Variants in TAS2R20 observed in about 807,000 individuals in gnomAD.
TAS2R20 encodes the protein taste 2 receptor member 20.
For synonymous variants in TAS2R20, 136 were observed against 127.1 expected, an observed-to-expected ratio of 1.07 and a Z score of -0.47; for missense variants, 364 against 352.2, an observed-to-expected ratio of 1.03 and a Z score of -0.27.
rs10845280 is a variant in TAS2R20 at position 10,997,121 on chromosome 12, A to G, written c.755T>C (p.Phe252Ser). 574,135 of 1,613,084 alleles carry G rather than the reference A, an allele frequency of 0.36. 113,665 individuals are homozygous for G. Among genetic ancestry groups the G allele is most frequent in the East Asian group, 0.75 (33,482 of 44,822 alleles). ...GACAATTTCTTTTGGTCGCATCTTA[A>G]AATTCCAAAACGATATGATTAGACA... The part of the protein sequence containing the change: ...FLCLIISFWN[F>S]KMRPKEIVLM... The change falls in exon 1 of 1, where the codon TTT (phenylalanine) becomes TCT (serine). Residue 252 changes from phenylalanine to serine, a missense_variant. Coordinates refer to ENST00000538986, the MANE Select transcript of TAS2R20 (RefSeq NM_176889.4).
Position 10,997,486 on chromosome 12 carries a change from C to T in TAS2R20, c.390G>A (p.Leu130=). The change falls in exon 1 of 1, where the codon CTG becomes CTA. Residue 130 remains leucine, a synonymous_variant. Coordinates refer to ENST00000538986, the MANE Select transcript of TAS2R20 (RefSeq NM_176889.4). ...HLKRKAKSVV[L]VIVLGSLFFL... ...AGAACAAAGACCCCAACACTATCACCAGAACTACACTCTTAGCCTTCCTTT... is the reference window on the plus strand; with the variant it reads ...AGAACAAAGACCCCAACACTATCACTAGAACTACACTCTTAGCCTTCCTTT... The T allele has an allele frequency of 6.2e-7, 1 of 1,613,774 alleles. No homozygotes were observed. Among genetic ancestry groups the T allele is most frequent in the Non-Finnish European group, 8.5e-7 (1 of 1,179,886 alleles).
chr12:10,996,887 G>T lies in TAS2R20; in HGVS notation c.*59C>A. On this transcript the variant is annotated 3_prime_UTR_variant, in exon 1 of 1. Transcript: ENST00000538986. ...GAAAAACTTGTGGGAAATATAAAAT[G>T]TTCCAGACACCATCAATTTGTTTTC... The T allele has an allele frequency of 6.8e-7, 1 of 1,475,246 alleles. No individual in the cohort carries two copies. Among genetic ancestry groups the T allele is most frequent in the Non-Finnish European group, 9.1e-7 (1 of 1,099,110 alleles). 91.4% of individuals were successfully genotyped at this position (1,475,246 alleles called of 1,614,324 possible).
chr12:10,997,878 C>A lies in TAS2R20; in HGVS notation c.-3G>T. 6.4e-7 allele frequency: 1 copy of A among 1,565,340 alleles called. No individual in the cohort carries two copies. The highest frequency in any genetic ancestry group is 8.6e-7 in the Non-Finnish European group (1 of 1,158,020). On this transcript the variant is annotated 5_prime_UTR_variant, in exon 1 of 1. Transcript: ENST00000538986. ...ACAATGTGTAGAAAACTCATCATGTCTAAACAAAAAAGCAAGTAAAAAATT... is the reference window on the plus strand; with the variant it reads ...ACAATGTGTAGAAAACTCATCATGTATAAACAAAAAAGCAAGTAAAAAATT...
Position 10,996,900 on chromosome 12 carries a change from T to C in TAS2R20, c.*46A>G, listed in dbSNP as rs767900594. The C allele has an allele frequency of 1.3e-6, 2 of 1,507,650 alleles. No individual in the cohort carries two copies. The highest frequency in any genetic ancestry group is 2.7e-5 in the South Asian group (2 of 73,822). The allele number at this position is 1,507,650 out of a possible 1,614,324, so 93.4% of individuals were successfully genotyped here. A position where few individuals can be genotyped will look rare whatever the true frequency, so the allele number is the denominator to read the frequency against. Reference sequence around the variant, plus strand: ...GAAATATAAAATGTTCCAGACACCATCAATTTGTTTTCTGCTAGAAAACAC... The same window carrying C: ...GAAATATAAAATGTTCCAGACACCACCAATTTGTTTTCTGCTAGAAAACAC... On this transcript the variant is annotated 3_prime_UTR_variant, in exon 1 of 1. Transcript: ENST00000538986.
Position 10,998,218 on chromosome 12 carries a change from T to C in TAS2R20, c.-343A>G, listed in dbSNP as rs887259981. Among the ~76,000 whole-genome samples the C allele has an allele frequency of 5.3e-5, 8 of 152,188 alleles. No homozygotes were observed. The highest frequency in any genetic ancestry group is 1.7e-4 in the African/African-American group (7 of 41,458). On this transcript the variant is annotated 5_prime_UTR_variant, in exon 1 of 1. Transcript: ENST00000538986. ...AGCATTCAAATAAAGACATATCCTC[T>C]TTCATTGCTTTGCAATTTTTTCCTT...
rs1353018871 is a variant in TAS2R20, at chr12:10,997,695, C to A, written c.181G>T (p.Val61Leu). 6.2e-7 allele frequency: 1 copy of A among 1,613,812 alleles called. No individual in the cohort carries two copies. Among genetic ancestry groups the A allele is most frequent in the East Asian group, 2.2e-5 (1 of 44,846 alleles). Residue 61 changes from valine to leucine, a missense_variant, in exon 1 of 1, where the codon GTA (valine) becomes TTA (leucine). By Grantham distance (32) the Val-to-Leu change is conservative. Coordinates refer to ENST00000538986, the MANE Select transcript of TAS2R20 (RefSeq NM_176889.4). ...LAVSRVGLLW[V>L]ILLHWYSTVL... ...GTTGAATACCAATGTAATAATATTA[C>A]CCAGAGCAAACCAACTCTGGAGACT...
Position 10,997,990 on chromosome 12 carries a change from T to A in TAS2R20, c.-115A>T. 1 of 657,192 alleles carries A rather than the reference T, an allele frequency of 1.5e-6. No individual in the cohort carries two copies. The highest frequency in any genetic ancestry group is 2.5e-6 in the Non-Finnish European group (1 of 400,346). The allele number at this position is 657,192 out of a possible 1,614,324, so 40.7% of individuals were successfully genotyped here. A position where few individuals can be genotyped will look rare whatever the true frequency, so the allele number is the denominator to read the frequency against. Reference sequence around the variant, plus strand: ...TTGATTCCTGAATGTCCAATAACATTCTTTATACTTTTAAATTCTGTGAAC... The same window carrying A: ...TTGATTCCTGAATGTCCAATAACATACTTTATACTTTTAAATTCTGTGAAC... On this transcript the variant is annotated 5_prime_UTR_variant, in exon 1 of 1. Transcript: ENST00000538986.
At position 10,997,318 on chromosome 12, in the gene TAS2R20, T is replaced by C; in HGVS notation, c.558A>G (p.Ile186Met). The C allele has an allele frequency of 1.9e-6, 3 of 1,614,102 alleles. No individual in the cohort carries two copies. Among genetic ancestry groups the C allele is most frequent in the East Asian group, 2.2e-5 (1 of 44,880 alleles). The change falls in exon 1 of 1, where the codon ATA becomes ATG. Residue 186 changes from isoleucine (I) to methionine (M), a missense_variant. By Grantham distance (10) the Ile-to-Met change is conservative (BLOSUM62 1). Coordinates refer to ENST00000538986, the MANE Select transcript of TAS2R20 (RefSeq NM_176889.4). ...AAGATATCAGGGTCAGAGTGAATGGTATCAAGTTTGCTAGCATGGCTACAG... is the reference window on the plus strand; with the variant it reads ...AAGATATCAGGGTCAGAGTGAATGGCATCAAGTTTGCTAGCATGGCTACAG... The part of the protein sequence containing the change: ...NLTVAMLANL[I>M]PFTLTLISFL...
In TAS2R20 at chr12:10,996,256, G is replaced by C. The variant is rs989866681; in HGVS notation, c.*690C>G. On this transcript the variant is annotated 3_prime_UTR_variant, in exon 1 of 1. Coordinates refer to ENST00000538986, the MANE Select transcript of TAS2R20 (RefSeq NM_176889.4). ...ACGCATGGAAATCACTTGAACCCCA[G>C]AGGTGAACGTTGTGGTGAGCCAAGA... is the stretch of plus-strand genomic sequence containing the variant. Among the ~76,000 whole-genome samples the C allele has an allele frequency of 1.3e-5, 2 of 151,668 alleles. No homozygotes were observed. Among genetic ancestry groups the C allele is most frequent in the Admixed American group, 6.6e-5 (1 of 15,222 alleles).
Position 10,997,351 on chromosome 12 carries a change from GGAA to G in TAS2R20, c.522_524del (p.Ser175del). On this transcript the variant is annotated inframe_deletion, in exon 1 of 1. Transcript: ENST00000538986. Reference sequence around the variant, plus strand: ...TTGCTAGCATGGCTACAGTCAAGTTGGAAAGGTGCATTGCATTCCTCAGTTTGA... The same window carrying G: ...TTGCTAGCATGGCTACAGTCAAGTTGAGGTGCATTGCATTCCTCAGTTTGA... 1 of 1,614,034 alleles carries G rather than the reference GGAA, an allele frequency of 6.2e-7. No homozygotes were observed.
In TAS2R20 at chr12:10,997,065, A is replaced by G; in HGVS notation, c.811T>C (p.Tyr271His). ...AGAATGAATGAGTGGAATGATGGAT[A>G]TATGATTCCAAAAGCTTGGCAAAGC... ...LMLCQAFGIIYPSFHSFILIW... is the reference protein window; with the variant it reads ...LMLCQAFGIIHPSFHSFILIW... The change falls in exon 1 of 1, where the codon TAT becomes CAT. Residue 271 changes from tyrosine to histidine, a missense_variant. By Grantham distance (83) the Tyr-to-His change is moderately conservative. Coordinates refer to ENST00000538986, the MANE Select transcript of TAS2R20 (RefSeq NM_176889.4). The G allele has an allele frequency of 6.2e-7, 1 of 1,614,066 alleles. No homozygotes were observed. Among genetic ancestry groups the G allele is most frequent in the South Asian group, 1.1e-5 (1 of 91,084 alleles).
In TAS2R20 at chr12:10,996,828, A is replaced by C; in HGVS notation, c.*118T>G. On this transcript the variant is annotated 3_prime_UTR_variant, in exon 1 of 1. Coordinates refer to ENST00000538986, the MANE Select transcript of TAS2R20 (RefSeq NM_176889.4). ...CTTAGGTAAAAGACTTTTCTATGTCAACTTTTGGAAATTACTCAAATACAT... is the reference window on the plus strand; with the variant it reads ...CTTAGGTAAAAGACTTTTCTATGTCCACTTTTGGAAATTACTCAAATACAT... 2.2e-6 allele frequency: 2 copies of C among 911,912 alleles called. No individual in the cohort carries two copies. The highest frequency in any genetic ancestry group is 3.1e-6 in the Non-Finnish European group (2 of 646,354). The allele number at this position is 911,912 out of a possible 1,614,324, so 56.5% of individuals were successfully genotyped here.
rs145575203 is a variant in TAS2R20, at chr12:10,996,113, C to T, written c.*833G>A. On this transcript the variant is annotated 3_prime_UTR_variant, in exon 1 of 1. Transcript: ENST00000538986. Reference sequence around the variant, plus strand: ...AGTGGATCACTTGAGGTCAAGAGTTCGAGACCAGCCTGGCCAGCATGGTGA... The same window carrying T: ...AGTGGATCACTTGAGGTCAAGAGTTTGAGACCAGCCTGGCCAGCATGGTGA... Among the ~76,000 whole-genome samples, 291 of 151,300 alleles carry T rather than the reference C, an allele frequency of 1.9e-3. No individual in the cohort carries two copies. The highest frequency in any genetic ancestry group is 6.7e-3 in the African/African-American group (276 of 41,280).
chr12:10,997,656 T>C lies in TAS2R20; in HGVS notation c.220A>G (p.Thr74Ala), dbSNP rs1047173607. 2.5e-6 allele frequency: 4 copies of C among 1,613,472 alleles called. No homozygotes were observed. The highest frequency in any genetic ancestry group is 2.2e-5 in the East Asian group (1 of 44,848). ...LHWYSTVLNP[T>A]SSNLKVIIFI... ...ATTATTACTTTTAAATTAGATGAAG[T>C]TGGATTCAACACAGTTGAATACCAA... The change falls in exon 1 of 1, where the codon ACT becomes GCT. Residue 74 changes from threonine to alanine, a missense_variant. Thr to Ala is a moderately conservative substitution (Grantham distance 58). Transcript: ENST00000538986.
rs984767819 is a variant in TAS2R20 at position 10,996,775 on chromosome 12, T to TTA, written c.*169_*170dup. Reference sequence around the variant, plus strand: ...ACATACACACACACGCAAATGTATATTATATATATATACTTTTATATAATA... The same window carrying TTA: ...ACATACACACACACGCAAATGTATATTATATATATATATACTTTTATATAATA... On this transcript the variant is annotated 3_prime_UTR_variant, in exon 1 of 1. Coordinates refer to ENST00000538986, the MANE Select transcript of TAS2R20 (RefSeq NM_176889.4). The TTA allele has an allele frequency of 8.3e-5, 35 of 420,284 alleles. No homozygotes were observed. Among genetic ancestry groups the TTA allele is most frequent in the Non-Finnish European group, 9.8e-5 (24 of 245,028 alleles). The allele number at this position is 420,284 out of a possible 1,614,324, so 26.0% of individuals were successfully genotyped here. A position where few individuals can be genotyped will look rare whatever the true frequency, so the allele number is the denominator to read the frequency against.
Position 10,997,569 on chromosome 12 carries a change from T to C in TAS2R20, c.307A>G (p.Ser103Gly). ...ACGATCTTGAGCAAATAAAATATGC[T>C]GAGGCTAGTAGCAAGCCAGATGCTG... ...HFSIWLATSL[S>G]IFYLLKIVNF... Residue 103 changes from serine to glycine, a missense_variant, in exon 1 of 1, where the codon AGC (serine) becomes GGC (glycine). Transcript: ENST00000538986. 3.1e-6 allele frequency: 5 copies of C among 1,614,100 alleles called. No homozygotes were observed. The highest frequency in any genetic ancestry group is 4.2e-6 in the Non-Finnish European group (5 of 1,179,982).
rs1940242281 is a variant in TAS2R20 at position 10,996,481 on chromosome 12, CATATACGTGATACAA to C, written c.*450_*464del. 1 of 152,244 alleles carries C rather than the reference CATATACGTGATACAA, an allele frequency of 6.6e-6. No individual in the cohort carries two copies. The highest frequency in any genetic ancestry group is 2.1e-4 in the South Asian group (1 of 4,836). 9.4% of individuals were successfully genotyped at this position (152,244 alleles called of 1,614,324 possible). On this transcript the variant is annotated 3_prime_UTR_variant, in exon 1 of 1. Transcript: ENST00000538986. The stretch of plus-strand genomic sequence containing the variant: ...TTAAACAGTTAAACACACTATGGTA[CATATACGTGATACAA>C]ATTACAACGAAAAACAGCAATGATT...
At position 10,996,167 on chromosome 12, in the gene TAS2R20, A is replaced by C. The variant is rs1000641588; in HGVS notation, c.*779T>G. Reference sequence around the variant, plus strand: ...CCCATCTCTACTAAAAAAAAAAAGAAAAATACAAAAAATTAGCCACGTGTG... The same window carrying C: ...CCCATCTCTACTAAAAAAAAAAAGACAAATACAAAAAATTAGCCACGTGTG... On this transcript the variant is annotated 3_prime_UTR_variant, in exon 1 of 1. Coordinates refer to ENST00000538986, the MANE Select transcript of TAS2R20 (RefSeq NM_176889.4). Among the ~76,000 whole-genome samples, 1 of 151,748 alleles carries C rather than the reference A, an allele frequency of 6.6e-6. No homozygotes were observed. The highest frequency in any genetic ancestry group is 1.5e-5 in the Non-Finnish European group (1 of 67,944).
chr12:10,996,903 A>C lies in TAS2R20; in HGVS notation c.*43T>G, dbSNP rs1940273011. On this transcript the variant is annotated 3_prime_UTR_variant, in exon 1 of 1. Transcript: ENST00000538986. ...ATATAAAATGTTCCAGACACCATCA[A>C]TTTGTTTTCTGCTAGAAAACACACA... 1 of 1,517,330 alleles carries C rather than the reference A, an allele frequency of 6.6e-7. No homozygotes were observed. Among genetic ancestry groups the C allele is most frequent in the Non-Finnish European group, 8.9e-7 (1 of 1,128,750 alleles). The allele number at this position is 1,517,330 out of a possible 1,614,324, so 94.0% of individuals were successfully genotyped here.
Sources: allele counts gnomAD v4.1 joint callset (sites outside exome capture counted in the v4.1 genomes callset), GRCh38; gene constraint gnomAD v4.1.1; transcripts MANE v1.5; gene names NCBI Gene and HGNC (gene_info 2026-07-23, HGNC 2026-07-21).